PPP2R2A: variants seen among roughly 807,000 people sequenced by gnomAD.
PPP2R2A encodes serine/threonine-protein phosphatase 2A 55 kDa regulatory subunit B alpha isoform.
PPP2R2A carries 9 observed loss-of-function variants against 53.2 expected under a neutral mutation model. That is an observed-to-expected ratio of 0.17 (90% CI 0.10 to 0.30). PPP2R2A has a LOEUF of 0.30. Among genes scored for constraint, PPP2R2A ranks in the 10% least tolerant of loss-of-function variants. PPP2R2A has a pLI of 1.00. For synonymous variants in PPP2R2A, 169 were observed against 174.2 expected (o/e 0.97, Z 0.23); for missense variants, 235 against 534.6 (o/e 0.44, Z 5.53).
chr8:26,318,839 T>A (rs1377340700), intron 2 of PPP2R2A, among the ~76,000 whole-genome samples: 3 of 152,206 alleles, frequency 2.0e-5, no homozygotes, highest in Non-Finnish European at 4.4e-5. Context: ...ACTTTTTATG[T>A]GGGATGACAA....
Position 26,363,734 on chromosome 8 carries a change from T to G in PPP2R2A, c.816T>G (p.Pro272=), listed in dbSNP as rs1805232602. 1.9e-6 allele frequency: 3 copies of G among 1,591,172 alleles called. No individual in the cohort carries two copies. The highest frequency in any genetic ancestry group is 2.7e-5 in the African/African-American group (2 of 74,528). The change falls in exon 8 of 10, where the codon CCT becomes CCG. Residue 272 remains proline, a synonymous_variant. Coordinates refer to ENST00000380737, the MANE Select transcript of PPP2R2A (RefSeq NM_002717.4). ...TTTTGTTTTTAGTGTTTGAAGAACCTGAAGATCCCAGTAACAGGTCATTTT... is the reference window on the plus strand; with the variant it reads ...TTTTGTTTTTAGTGTTTGAAGAACCGGAAGATCCCAGTAACAGGTCATTTT... ...CDRHSKLFEE[P]EDPSNRSFFS...
chr8:26,329,165 C>G (rs1215285485), intron 2 of PPP2R2A, among the ~76,000 whole-genome samples: 1 of 152,028 alleles, frequency 6.6e-6, no homozygotes, highest in East Asian at 1.9e-4. Context: ...TAACCATTGG[C>G]TATTAATCTT....
intron 7 of PPP2R2A, chr8:26,363,064 AT>A: frequency 2.0e-6 from 1 of 492,478 alleles, no homozygotes. Flanking sequence ...GCCAAGGAAT[AT>A]ATCTCTCATG....
intron 2 of PPP2R2A, among the ~76,000 whole-genome samples, chr8:26,326,687 T>C (rs62490960): frequency 0.015 from 2,349 of 152,338 alleles, 23 homozygotes; most frequent in Middle Eastern, 0.048. Flanking sequence ...ACTACTTGTT[T>C]GTATAATCTC....
chr8:26,308,247 T>A (rs757508069), intron 2 of PPP2R2A, among the ~76,000 whole-genome samples: 6 of 152,256 alleles, frequency 3.9e-5, no homozygotes, highest in Non-Finnish European at 7.3e-5. Flanking sequence ...CAGTGTGGTG[T>A]TTGCCGAAGG....
intron 2 of PPP2R2A, among the ~76,000 whole-genome samples, chr8:26,306,846 T>C (rs1802046801): frequency 6.6e-6 from 1 of 152,250 alleles, no homozygotes; most frequent in South Asian, 2.1e-4. Context: ...AATACATATA[T>C]AGAATGGTAA....
chr8:26,295,867 A>C (rs531249347), intron 2 of PPP2R2A, among the ~76,000 whole-genome samples: 1 of 152,226 alleles, frequency 6.6e-6, no homozygotes, highest in East Asian at 1.9e-4. Context: ...GACTAAGGGG[A>C]GATTTGCTTT....
chr8:26,333,887 T>C (rs1803513334), intron 2 of PPP2R2A, among the ~76,000 whole-genome samples: 1 of 152,206 alleles, frequency 6.6e-6, no homozygotes, highest in African/African-American at 2.4e-5. Flanking sequence ...GAAACCTGCC[T>C]GGGTGCTGAC....
chr8:26,346,648 G>A (rs578090775), intron 3 of PPP2R2A, among the ~76,000 whole-genome samples: 1 of 151,628 alleles, frequency 6.6e-6, no homozygotes, highest in Non-Finnish European at 1.5e-5. Context: ...TTGAAATTGG[G>A]TTCTTTCTCA....
Position 26,355,474 on chromosome 8 carries a change from G to A in PPP2R2A, c.346+841G>A, listed in dbSNP as rs1206179965. On this transcript the variant is annotated intron_variant, in intron 4 of 9. Coordinates refer to ENST00000380737, the MANE Select transcript of PPP2R2A (RefSeq NM_002717.4). ...GCTCAGGCTGGTCTTGAATTCCTGG[G>A]CTCAAGCAGTCTGCCCCGCTCAGTC... Among the ~76,000 whole-genome samples, 5 of 152,158 alleles carry A rather than the reference G, an allele frequency of 3.3e-5. 1 individual carries two copies. In the East Asian group the frequency reaches 7.8e-4, roughly 24 times the overall value.
rs934731906 is a variant in PPP2R2A at position 26,360,877 on chromosome 8, G to A, written c.460-97G>A. The A allele has an allele frequency of 4.2e-6, 5 of 1,190,510 alleles. No homozygotes were observed. In the Admixed American group the frequency reaches 1.4e-4, roughly 33 times the overall value. 73.7% of individuals were successfully genotyped at this position (1,190,510 alleles called of 1,614,324 possible). A position where few individuals can be genotyped will look rare whatever the true frequency, so the allele number is the denominator to read the frequency against. The stretch of plus-strand genomic sequence containing the variant: ...TCTATGTAATATTGTTCTATTTTAT[G>A]TTCTCAAAAACTGAAATAATGAAGT... On this transcript the variant is annotated intron_variant, in intron 5 of 9. Transcript: ENST00000380737. The surrounding 1 kb of genome is among the most constrained non-coding windows in gnomAD (Gnocchi z 4.5).
intron 2 of PPP2R2A, among the ~76,000 whole-genome samples, chr8:26,303,873 G>A (rs564158180): frequency 1.3e-3 from 204 of 152,270 alleles, no homozygotes; most frequent in Non-Finnish European, 2.4e-3. Context: ...TTGGCAAGTC[G>A]TTGAATACTT....
chr8:26,307,185 C>T (rs897483881), intron 2 of PPP2R2A, among the ~76,000 whole-genome samples: 1 of 152,146 alleles, frequency 6.6e-6, no homozygotes, highest in East Asian at 1.9e-4. Flanking sequence ...AGGTTGTACA[C>T]ATTTGGAATT....
chr8:26,293,367 G>T, intron 1 of PPP2R2A: 1 of 1,228,810 alleles, frequency 8.1e-7, no homozygotes, highest in South Asian at 1.3e-5. Context: ...TTTTTTTCTG[G>T]TAGGTCTTGC....
At chr8:26,293,881 T>C in intron 2 of PPP2R2A, 141 bp downstream of exon 2, 3 of 732,256 alleles carry the variant, frequency 4.1e-6, no homozygotes, top group Non-Finnish European at 6.6e-6. Flanking sequence ...TTTTAAAAGA[T>C]ACCTTTCTGA....
At chr8:26,364,475 A>G (rs1040378590) in intron 8 of PPP2R2A, among the ~76,000 whole-genome samples, 1 of 152,196 alleles carries the variant, frequency 6.6e-6, no homozygotes, top group Non-Finnish European at 1.5e-5. Context: ...CACTACATCA[A>G]ACAGAAGAGA....
At chr8:26,331,091 G>A (rs954608684) in intron 2 of PPP2R2A, among the ~76,000 whole-genome samples, 4 of 152,078 alleles carry the variant, frequency 2.6e-5, no homozygotes, top group African/African-American at 9.7e-5. Context: ...TTCTAAGTGA[G>A]CCGCCTATAG....
intron 7 of PPP2R2A, 162 bp from the exon 8 acceptor site, chr8:26,363,559 T>TG: frequency 3.4e-6 from 2 of 592,898 alleles, no homozygotes; most frequent in South Asian, 7.6e-5. Context: ...ACTAAGAAGC[T>TG]TTCAGGAGAA....
intron 2 of PPP2R2A, among the ~76,000 whole-genome samples, chr8:26,306,736 C>A (rs1802041783): frequency 6.6e-6 from 1 of 151,920 alleles, no homozygotes; most frequent in Admixed American, 6.5e-5. Context: ...CCCAGCTACT[C>A]AAGAGGCCAA....
Sources: gnomAD v4.1 joint callset for allele counts (sites outside exome capture counted in the v4.1 genomes callset) on GRCh38, gnomAD v4.1.1 for gene constraint, Gnocchi (gnomAD v3.1) non-coding constraint, MANE v1.5 for transcripts, NCBI Gene and HGNC (gene_info 2026-07-23, HGNC 2026-07-21) for gene names.